The following PPP1R9A variants were observed in gnomAD, a reference collection of about 807,000 sequenced individuals.
The protein encoded by PPP1R9A is neurabin-1.
In PPP1R9A, 59 loss-of-function variants were observed where a neutral mutation model predicts 141.9. The ratio of observed to expected loss-of-function variants is 0.42; its 90% confidence interval spans 0.34 to 0.52. The LOEUF (loss-of-function observed/expected upper bound fraction) is 0.52. Ranked by LOEUF, PPP1R9A falls within the 20% of genes least tolerant of loss-of-function variation. The probability of loss-of-function intolerance (pLI) is 0.10; values close to 1 mark genes in which losing one functional copy is unlikely to be tolerated. For synonymous variants in PPP1R9A, 500 were observed against 569.7 expected (o/e 0.88, Z 1.74); for missense variants, 1,444 against 1,611.9 (o/e 0.90, Z 1.78).
intron 2 of PPP1R9A, among the ~76,000 whole-genome samples, chr7:95,040,662 G>C (rs1809106506): frequency 6.6e-6 from 1 of 152,082 alleles, no homozygotes; most frequent in Non-Finnish European, 1.5e-5. Flanking sequence ...AGTGATCATA[G>C]AGAACTTAGG....
intron 8 of PPP1R9A, among the ~76,000 whole-genome samples, chr7:95,234,467 A>G (rs991243616): frequency 3.9e-5 from 6 of 152,314 alleles, no homozygotes; most frequent in Admixed American, 1.3e-4. Flanking sequence ...AATATACCTA[A>G]CCAAGAAGGT....
chr7:95,227,854 G>A lies in PPP1R9A; in HGVS notation c.2112+1738G>A, dbSNP rs143610294. Among the ~76,000 whole-genome samples the A allele has an allele frequency of 4.2e-3, 636 of 152,136 alleles. 3 individuals are homozygous for A. The highest frequency in any genetic ancestry group is 0.014 in the African/African-American group (596 of 41,510). The stretch of plus-strand genomic sequence containing the variant: ...CCTCAATAACAGGCAATATCACATC[G>A]TTCCACTTAACAATTCTTTTATCCT... On this transcript the variant is annotated intron_variant, in intron 8 of 19. Transcript: ENST00000433360.
At chr7:95,123,896 T>G (rs1823079313) in intron 4 of PPP1R9A, among the ~76,000 whole-genome samples, 1 of 152,094 alleles carries the variant, frequency 6.6e-6, no homozygotes, top group African/African-American at 2.4e-5. Context: ...GCTTGAAACT[T>G]AATAAAAAAA....
At chr7:94,919,385 C>T (rs962906004) in intron 2 of PPP1R9A, among the ~76,000 whole-genome samples, 4 of 145,930 alleles carry the variant, frequency 2.7e-5, no homozygotes, top group Non-Finnish European at 6.0e-5. Flanking sequence ...GCTCAAGTGA[C>T]CCTCTTGCCT....
chr7:95,018,086 G>T, intron 2 of PPP1R9A: 1 of 157,752 alleles, frequency 6.3e-6, no homozygotes. Flanking sequence ...AAAAATAAAT[G>T]TGCTATTTAA....
chr7:94,959,816 T>C (rs868086729), intron 2 of PPP1R9A, among the ~76,000 whole-genome samples: 1 of 151,778 alleles, frequency 6.6e-6, no homozygotes, highest in African/African-American at 2.4e-5. Flanking sequence ...TATAAAATGT[T>C]AACAGTATGA....
Position 95,135,373 on chromosome 7 carries a change from T to C in PPP1R9A, c.1649+14541T>C, listed in dbSNP as rs1415166894. On this transcript the variant is annotated intron_variant, in intron 4 of 19. Coordinates refer to ENST00000433360, the MANE Select transcript of PPP1R9A (RefSeq NM_001166160.2). ...AATGAAGCAAGCATATTATTTTCCCTATTTATATTTTTCCAGCATTTTTGC... is the reference window on the plus strand; with the variant it reads ...AATGAAGCAAGCATATTATTTTCCCCATTTATATTTTTCCAGCATTTTTGC... Among the ~76,000 whole-genome samples the C allele has an allele frequency of 4.6e-5, 7 of 152,332 alleles. No homozygotes were observed. In the South Asian group the frequency reaches 1.4e-3, roughly 32 times the overall value.
At chr7:95,217,806 C>T (rs1050541161) in intron 7 of PPP1R9A, among the ~76,000 whole-genome samples, 10 of 152,152 alleles carry the variant, frequency 6.6e-5, no homozygotes, top group African/African-American at 2.4e-4. Context: ...TCTGTGGGAT[C>T]AGTGGTGATA....
intron 5 of PPP1R9A, among the ~76,000 whole-genome samples, chr7:95,183,856 T>C (rs1225421897): frequency 6.6e-6 from 1 of 151,524 alleles, no homozygotes; most frequent in African/African-American, 2.4e-5. Flanking sequence ...ATTTTAAAAA[T>C]TTTTTATTTT....
chr7:95,173,429 G>GA (rs958683644), intron 5 of PPP1R9A, among the ~76,000 whole-genome samples: 1 of 151,354 alleles, frequency 6.6e-6, no homozygotes, highest in African/African-American at 2.4e-5. Flanking sequence ...CTAAATGAAT[G>GA]AAAAAAAATT....
intron 2 of PPP1R9A, among the ~76,000 whole-genome samples, chr7:94,916,163 CTGTCTCATAAGTTGT>C (rs1257213830): frequency 6.6e-6 from 1 of 152,194 alleles, no homozygotes; most frequent in Non-Finnish European, 1.5e-5. Flanking sequence ...AGTGTTGCCT[CTGTCTCATAAGTTGT>C]TAGTTTATTT....
intron 5 of PPP1R9A, among the ~76,000 whole-genome samples, chr7:95,188,061 C>T (rs1563382014): frequency 6.6e-6 from 1 of 152,034 alleles, no homozygotes; most frequent in Non-Finnish European, 1.5e-5. Context: ...TCTTAATGAC[C>T]TGTCTAGTGC....
chr7:95,019,075 A>G (rs532650034), intron 2 of PPP1R9A, among the ~76,000 whole-genome samples: 1 of 152,350 alleles, frequency 6.6e-6, no homozygotes, highest in Admixed American at 6.5e-5. Flanking sequence ...TCATAGACCA[A>G]CATGTAAAAC....
At chr7:95,093,349 T>A (rs1358107028) in intron 2 of PPP1R9A, among the ~76,000 whole-genome samples, 1 of 152,212 alleles carries the variant, frequency 6.6e-6, no homozygotes, top group Non-Finnish European at 1.5e-5. Context: ...TATTTACATA[T>A]TTAAATCCAT....
chr7:95,216,378 A>G (rs570586294), intron 7 of PPP1R9A, among the ~76,000 whole-genome samples: 84 of 152,208 alleles, frequency 5.5e-4, no homozygotes, highest in African/African-American at 1.8e-3. Flanking sequence ...GCCTTGTAGT[A>G]TAGTTTGAAG....
intron 5 of PPP1R9A, among the ~76,000 whole-genome samples, chr7:95,169,721 T>C (rs552305215): frequency 6.6e-6 from 1 of 152,054 alleles, no homozygotes; most frequent in South Asian, 2.1e-4. Context: ...AATGTAGCTC[T>C]GATCCCACAT....
At chr7:95,021,251 G>T (rs144650545) in intron 2 of PPP1R9A, among the ~76,000 whole-genome samples, 11,618 of 151,012 alleles carry the variant, frequency 0.077, 529 homozygotes, top group East Asian at 0.15. Context: ...TTTCATGTTT[G>T]TTGGCCGCAT....
chr7:95,115,648 G>A (rs1014004849), intron 3 of PPP1R9A, among the ~76,000 whole-genome samples: 4 of 152,038 alleles, frequency 2.6e-5, no homozygotes, highest in Admixed American at 6.6e-5. Context: ...GCCAGGTGCG[G>A]TGGCTCATGT....
At chr7:95,152,174 T>C (rs1828819776) in intron 4 of PPP1R9A, among the ~76,000 whole-genome samples, 1 of 151,834 alleles carries the variant, frequency 6.6e-6, no homozygotes, top group Non-Finnish European at 1.5e-5. Flanking sequence ...ATGGTCTCCA[T>C]CTCTTGACCT....
Sources: allele counts gnomAD v4.1 joint callset (sites outside exome capture counted in the v4.1 genomes callset), GRCh38; gene constraint gnomAD v4.1.1; transcripts MANE v1.5; gene names NCBI Gene and HGNC (gene_info 2026-07-23, HGNC 2026-07-21).